RASSF8: variants seen among roughly 807,000 people sequenced by gnomAD.
RASSF8 encodes Ras association domain family member 8.
In RASSF8, 22 loss-of-function variants were observed where a neutral mutation model predicts 48.5. The observed-to-expected ratio is 0.45, with a 90% CI of 0.32 to 0.65. The LOEUF (loss-of-function observed/expected upper bound fraction) is 0.65. Ranked by LOEUF, RASSF8 falls within the 30% of genes least tolerant of loss-of-function variation. RASSF8 has a pLI of 0.03. For synonymous variants in RASSF8, 127 were observed against 171.5 expected (o/e 0.74, Z 2.03); for missense variants, 418 against 489.2 (o/e 0.85, Z 1.37).
Position 26,069,842 on chromosome 12 carries a change from T to A in RASSF8, c.*1024T>A. 1.0e-6 allele frequency: 1 copy of A among 985,186 alleles called. No homozygotes were observed. Among genetic ancestry groups the A allele is most frequent in the Non-Finnish European group, 1.2e-6 (1 of 829,670 alleles). 61.0% of individuals were successfully genotyped at this position (985,186 alleles called of 1,614,324 possible). A position where few individuals can be genotyped will look rare whatever the true frequency, so the allele number is the denominator to read the frequency against. Reference sequence around the variant, plus strand: ...TTGCTCTGCATATTATGGACCATTGTGGTTTCTTCCAGTCACTTAGATGGA... The same window carrying A: ...TTGCTCTGCATATTATGGACCATTGAGGTTTCTTCCAGTCACTTAGATGGA... On this transcript the variant is annotated 3_prime_UTR_variant, in exon 6 of 6. Transcript: ENST00000689635.
intron 2 of RASSF8, among the ~76,000 whole-genome samples, chr12:25,997,767 A>G (rs1309526403): frequency 6.6e-6 from 1 of 152,230 alleles, no homozygotes; most frequent in Non-Finnish European, 1.5e-5. Flanking sequence ...TTCAGTGACA[A>G]TAAACATTCC....
chr12:25,988,587 T>TAGCCCTCTCCCTCATGACTAAAC (rs1941942851), intron 1 of RASSF8, among the ~76,000 whole-genome samples: 1 of 152,158 alleles, frequency 6.6e-6, no homozygotes, highest in Non-Finnish European at 1.5e-5. Flanking sequence ...ATTTAGAAAA[T>TAGCCCTCTCCCTCATGACTAAAC]AGCCCTCTCC....
intron 1 of RASSF8, among the ~76,000 whole-genome samples, chr12:25,991,814 T>A (rs1942021346): frequency 6.6e-6 from 1 of 152,198 alleles, no homozygotes; most frequent in South Asian, 2.1e-4. Context: ...TACACAAGGG[T>A]GTGAAAACCA....
At chr12:26,010,090 C>T (rs1324993856) in intron 2 of RASSF8, among the ~76,000 whole-genome samples, 1 of 152,162 alleles carries the variant, frequency 6.6e-6, no homozygotes. Context: ...GTCTCCAGGC[C>T]CCCCACGTGC....
At chr12:26,011,072 G>A (rs1402799028) in intron 2 of RASSF8, among the ~76,000 whole-genome samples, 1 of 152,094 alleles carries the variant, frequency 6.6e-6, no homozygotes. Flanking sequence ...ATTCTCCTGA[G>A]GCCATCTGAG....
intron 2 of RASSF8, among the ~76,000 whole-genome samples, chr12:26,039,437 T>C (rs1258591656): frequency 6.6e-6 from 1 of 151,368 alleles, no homozygotes; most frequent in Non-Finnish European, 1.5e-5. Context: ...ACTTAACTCT[T>C]GAGTAGATCA....
At chr12:26,022,589 G>A (rs1263073483) in intron 2 of RASSF8, among the ~76,000 whole-genome samples, 1 of 152,004 alleles carries the variant, frequency 6.6e-6, no homozygotes, top group African/African-American at 2.4e-5. Context: ...AGAAGTAAAG[G>A]AAGATATGAT....
At position 26,068,920 on chromosome 12, in the gene RASSF8, C is replaced by T. The variant is rs967929151; in HGVS notation, c.*102C>T. 26 of 1,472,050 alleles carry T rather than the reference C, an allele frequency of 1.8e-5. No homozygotes were observed. The highest frequency in any genetic ancestry group is 7.6e-5 in the East Asian group (3 of 39,582). 91.2% of individuals were successfully genotyped at this position (1,472,050 alleles called of 1,614,324 possible). On this transcript the variant is annotated 3_prime_UTR_variant, in exon 6 of 6. Coordinates refer to ENST00000689635, the MANE Select transcript of RASSF8 (RefSeq NM_001394098.1). ...TGAACAGAGGATCTATTCCACAAGA[C>T]GCTGTATGTTTTTTCTCTCCTAAAT... is the stretch of plus-strand genomic sequence containing the variant.
intron 2 of RASSF8, among the ~76,000 whole-genome samples, chr12:26,018,090 T>G (rs1024111051): frequency 1.3e-5 from 2 of 150,072 alleles, no homozygotes; most frequent in Non-Finnish European, 3.0e-5. Context: ...TTTATTAATA[T>G]TTTTCATTGG....
At chr12:25,992,305 T>C (rs1201221245) in intron 1 of RASSF8, among the ~76,000 whole-genome samples, 1 of 152,252 alleles carries the variant, frequency 6.6e-6, no homozygotes, top group African/African-American at 2.4e-5. Context: ...TTGAAGAACA[T>C]GGGCTCTGAG....
At chr12:26,068,130 A>G (rs1413854716) in intron 5 of RASSF8, among the ~76,000 whole-genome samples, 1 of 152,138 alleles carries the variant, frequency 6.6e-6, no homozygotes, top group Non-Finnish European at 1.5e-5. Context: ...TAACATTCAT[A>G]GCTAATTTTT....
At chr12:26,011,126 A>G (rs1319545921) in intron 2 of RASSF8, among the ~76,000 whole-genome samples, 2 of 152,224 alleles carry the variant, frequency 1.3e-5, no homozygotes, top group Non-Finnish European at 2.9e-5. Flanking sequence ...GAACCCTTAC[A>G]GGAACGTCTA....
chr12:26,056,844 AT>A (rs1397801197), intron 3 of RASSF8, among the ~76,000 whole-genome samples: 1 of 152,134 alleles, frequency 6.6e-6, no homozygotes, highest in Non-Finnish European at 1.5e-5. Flanking sequence ...AAGGCATTTA[AT>A]TTTTTCATAT....
intron 1 of RASSF8, among the ~76,000 whole-genome samples, chr12:25,987,884 C>T (rs1028471875): frequency 2.7e-5 from 4 of 148,128 alleles, no homozygotes; most frequent in Non-Finnish European, 5.9e-5. Context: ...TGGAATCTCA[C>T]TCTGTCACCC....
intron 2 of RASSF8, among the ~76,000 whole-genome samples, chr12:26,042,287 C>A (rs1411491511): frequency 6.6e-6 from 1 of 152,126 alleles, no homozygotes; most frequent in Non-Finnish European, 1.5e-5. Flanking sequence ...TCAGGCCTAT[C>A]TATGGGTCTG....
At chr12:25,980,036 C>T (rs536921928) in intron 1 of RASSF8, among the ~76,000 whole-genome samples, 16 of 152,228 alleles carry the variant, frequency 1.1e-4, no homozygotes, top group Admixed American at 2.0e-4. Context: ...GTGGTAGTTA[C>T]GAAAATTTAG....
At chr12:25,979,010 GA>G (rs1941675104) in intron 1 of RASSF8, among the ~76,000 whole-genome samples, 1 of 152,112 alleles carries the variant, frequency 6.6e-6, no homozygotes, top group Non-Finnish European at 1.5e-5. Context: ...TGAGGGAGTA[GA>G]AAAAGATACG....
At chr12:25,960,124 A>G (rs1375786907) in intron 1 of RASSF8, among the ~76,000 whole-genome samples, 1 of 152,098 alleles carries the variant, frequency 6.6e-6, no homozygotes, top group Non-Finnish European at 1.5e-5. Context: ...TGGCTCAGCA[A>G]TTCATTAGAT....
intron 2 of RASSF8, among the ~76,000 whole-genome samples, chr12:26,022,632 A>G (rs1484111798): frequency 6.6e-6 from 1 of 152,206 alleles, no homozygotes; most frequent in Non-Finnish European, 1.5e-5. Flanking sequence ...ATATTGGTAA[A>G]TAGATAGAAA....
Sources: gnomAD v4.1 joint callset for allele counts (sites outside exome capture counted in the v4.1 genomes callset) on GRCh38, gnomAD v4.1.1 for gene constraint, MANE v1.5 for transcripts, NCBI Gene and HGNC (gene_info 2026-07-23, HGNC 2026-07-21) for gene names.